Variants in MYO18B observed in about 807,000 individuals in gnomAD.
MYO18B encodes the protein myosin XVIIIB.
In MYO18B, 204 loss-of-function variants were observed where a neutral mutation model predicts 273.0. The observed-to-expected ratio is 0.75, with a 90% CI of 0.67 to 0.84. MYO18B has a LOEUF of 0.84. Ranked by LOEUF, MYO18B falls within the 40% of genes least tolerant of loss-of-function variation. The probability of loss-of-function intolerance (pLI) is 0.00; values close to 1 mark genes in which losing one functional copy is unlikely to be tolerated. For synonymous variants in MYO18B, 1,330 were observed against 1,305.7 expected (o/e 1.02, Z -0.40); for missense variants, 3,212 against 3,287.6 (o/e 0.98, Z 0.56).
chr22:26,062,580 C>G, the MYO18B span, among the ~76,000 whole-genome samples: 1,303 of 152,266 alleles, frequency 8.6e-3, 22 homozygotes, highest in African/African-American at 0.03. Context: ...GTTACATGAG[C>G]TAATAAATCC....
chr22:25,876,091 C>T, intron 23 of MYO18B, 98 bp from the exon 24 acceptor site: 5 of 1,256,940 alleles, frequency 4.0e-6, no homozygotes, highest in Non-Finnish European at 5.5e-6. Context: ...AATAACCCCA[C>T]TTCCTCCAGC....
the MYO18B span, among the ~76,000 whole-genome samples, chr22:26,061,535 A>G: frequency 1.3e-5 from 2 of 151,740 alleles, no homozygotes; most frequent in South Asian, 2.1e-4. Context: ...ATGAATATCC[A>G]TCTCCATCCT....
intron 40 of MYO18B, among the ~76,000 whole-genome samples, chr22:26,002,703 A>G (rs1458965461): frequency 6.6e-6 from 1 of 152,180 alleles, no homozygotes; most frequent in Admixed American, 6.5e-5. Flanking sequence ...TGTGACTTAG[A>G]CAAGTATGTC....
At chr22:25,831,389 T>G (rs1715987622) in intron 15 of MYO18B, among the ~76,000 whole-genome samples, 1 of 152,142 alleles carries the variant, frequency 6.6e-6, no homozygotes, top group South Asian at 2.1e-4. Flanking sequence ...TTTTTAAAAT[T>G]TTTTGTTTTT....
the MYO18B span, among the ~76,000 whole-genome samples, chr22:26,053,689 G>A: frequency 6.6e-6 from 1 of 152,142 alleles, no homozygotes; most frequent in Non-Finnish European, 1.5e-5. Context: ...GGGTGATCAG[G>A]GCTGGAGTGC....
intron 23 of MYO18B, among the ~76,000 whole-genome samples, chr22:25,875,158 CCTT>C (rs2091156410): frequency 6.6e-6 from 1 of 152,206 alleles, no homozygotes; most frequent in East Asian, 1.9e-4. Context: ...ACCCCACTGG[CCTT>C]CTGTGCTCAT....
intron 6 of MYO18B, among the ~76,000 whole-genome samples, chr22:25,771,866 A>G (rs769468194): frequency 5.9e-5 from 9 of 152,198 alleles, no homozygotes; most frequent in Non-Finnish European, 1.2e-4. Context: ...TCAATGCATG[A>G]TGGGCTATGA....
intron 31 of MYO18B, among the ~76,000 whole-genome samples, chr22:25,906,718 G>A (rs1332671095): frequency 6.6e-6 from 1 of 152,176 alleles, no homozygotes; most frequent in Non-Finnish European, 1.5e-5. Flanking sequence ...CATGGCTGGG[G>A]AGGCCTCAGG....
At chr22:25,763,522 A>C (rs529373566) in intron 3 of MYO18B, 133 bp downstream of exon 3, 1 of 1,095,218 alleles carries the variant, frequency 9.1e-7, no homozygotes, top group Non-Finnish European at 1.3e-6. Flanking sequence ...CCTTTATTCA[A>C]CTTGATCTAT....
chr22:25,994,507 G>C (rs990466090), intron 40 of MYO18B, among the ~76,000 whole-genome samples: 1 of 148,088 alleles, frequency 6.8e-6, no homozygotes, highest in South Asian at 2.2e-4. Context: ...TTCATGTTTT[G>C]CCTGTAAATA....
At chr22:25,889,060 T>C (rs2091583549) in intron 25 of MYO18B, among the ~76,000 whole-genome samples, 1 of 148,774 alleles carries the variant, frequency 6.7e-6, no homozygotes, top group Admixed American at 6.6e-5. Flanking sequence ...AAAAAAAAAA[T>C]CTCAATTAAC....
intron 33 of MYO18B, among the ~76,000 whole-genome samples, chr22:25,918,023 C>T (rs1037214457): frequency 1.3e-5 from 2 of 152,178 alleles, no homozygotes; most frequent in African/African-American, 4.8e-5. Flanking sequence ...GTACCCTAGG[C>T]GGATTCTAAA....
chr22:26,019,810 C>T (rs1360946699), intron 42 of MYO18B, among the ~76,000 whole-genome samples: 1 of 152,150 alleles, frequency 6.6e-6, no homozygotes, highest in African/African-American at 2.4e-5. Flanking sequence ...CCTGTAGCTA[C>T]AATTGGCCCA....
intron 34 of MYO18B, among the ~76,000 whole-genome samples, chr22:25,925,414 T>C (rs2092405535): frequency 1.3e-5 from 2 of 152,210 alleles, no homozygotes; most frequent in Admixed American, 1.3e-4. Flanking sequence ...GTTATATTAG[T>C]GTGACAGATC....
rs1278362511 is a variant in MYO18B at position 25,950,356 on chromosome 22, T to G, written c.5749-11T>G. 1.9e-6 allele frequency: 3 copies of G among 1,554,890 alleles called. No homozygotes were observed. In the East Asian group the frequency reaches 7.0e-5, roughly 36 times the overall value. The stretch of plus-strand genomic sequence containing the variant: ...GGTGATATATATACATTTTTTTTTT[T>G]GTCTCACCAGTCTGCTGCTGACATT... On this transcript the variant is annotated splice_polypyrimidine_tract_variant and intron_variant, in intron 36 of 43. Coordinates refer to ENST00000335473, the MANE Select transcript of MYO18B (RefSeq NM_032608.7).
At chr22:25,926,095 C>A (rs2092417187) in intron 34 of MYO18B, among the ~76,000 whole-genome samples, 2 of 151,464 alleles carry the variant, frequency 1.3e-5, no homozygotes, top group Non-Finnish European at 2.9e-5. Context: ...GTTCCAGCTA[C>A]TAGGAAGGCT....
intron 34 of MYO18B, among the ~76,000 whole-genome samples, chr22:25,924,026 C>T (rs375094768): frequency 2.8e-4 from 42 of 152,274 alleles, no homozygotes; most frequent in African/African-American, 8.7e-4. Context: ...GCATCCGGCT[C>T]CTATCAAAGG....
chr22:25,879,756 C>T (rs577918197), intron 25 of MYO18B, among the ~76,000 whole-genome samples: 39 of 152,308 alleles, frequency 2.6e-4, no homozygotes, highest in African/African-American at 7.9e-4. Flanking sequence ...AGGTTTGATT[C>T]GCTCAGGGTT....
chr22:25,793,697 C>G (rs1271852680), intron 11 of MYO18B, among the ~76,000 whole-genome samples: 1 of 152,176 alleles, frequency 6.6e-6, no homozygotes, highest in Non-Finnish European at 1.5e-5. Context: ...CTCCTGGGCG[C>G]TCTAAGCCCA....
Sources: gnomAD v4.1 joint callset for allele counts (sites outside exome capture counted in the v4.1 genomes callset) on GRCh38, gnomAD v4.1.1 for gene constraint, MANE v1.5 for transcripts, NCBI Gene and HGNC (gene_info 2026-07-23, HGNC 2026-07-21) for gene names.